IGSF8: variants seen among roughly 807,000 people sequenced by gnomAD.
IGSF8 encodes CD81 partner 3.
A neutral mutation model predicts 55.5 loss-of-function variants in IGSF8; 46 were observed. That is an observed-to-expected ratio of 0.83 (90% CI 0.65 to 1.06). IGSF8 has a LOEUF of 1.06. IGSF8 is among the 50% of genes least tolerant of loss of function. IGSF8 has a pLI of 0.00. For missense variants in IGSF8, 731 were observed against 832.3 expected, an observed-to-expected ratio of 0.88 and a Z score of 1.50; for synonymous variants, 314 against 356.1, an observed-to-expected ratio of 0.88 and a Z score of 1.33.
chr1:160,097,754 C>T, intron 1 of IGSF8: 1 of 985,466 alleles, frequency 1.0e-6, no homozygotes, highest in Non-Finnish European at 1.2e-6. Context: ...GATCAGTCTC[C>T]ATGGAACCTG....
chr1:160,096,793 A>G (rs181069586), intron 1 of IGSF8, among the ~76,000 whole-genome samples: 2 of 152,266 alleles, frequency 1.3e-5, no homozygotes, highest in African/African-American at 4.8e-5. Flanking sequence ...ACCATGTGTG[A>G]GTGCGTATGT....
intron 1 of IGSF8, among the ~76,000 whole-genome samples, chr1:160,096,512 C>T (rs1650446575): frequency 6.6e-6 from 1 of 152,148 alleles, no homozygotes; most frequent in South Asian, 2.1e-4. Context: ...GGAAAATGCC[C>T]AGGAGTCTGT....
chr1:160,092,890 C>G, intron 4 of IGSF8, 34 bp downstream of exon 4: 3 of 1,564,928 alleles, frequency 1.9e-6, no homozygotes, highest in South Asian at 2.4e-5. Flanking sequence ...GTTGACAATC[C>G]TCGAACCCCG....
At chr1:160,097,922 G>C (rs1397598198) in intron 1 of IGSF8, 1 of 985,360 alleles carries the variant, frequency 1.0e-6, no homozygotes, top group South Asian at 4.7e-5. Context: ...AGTTGATGAA[G>C]TGCGTGGAGC....
In IGSF8 at chr1:160,098,061, G is replaced by A. The variant is rs1650561188; in HGVS notation, c.64+348C>T. ...GGGCGGGCACCCAAGGCCAGGCCTG[G>A]AGCTGAGTGTGGGGCAGAAAGGAGT... On this transcript the variant is annotated intron_variant, in intron 1 of 6. Transcript: ENST00000314485. 6.1e-6 allele frequency: 5 copies of A among 824,332 alleles called. No individual in the cohort carries two copies. In the Admixed American group the frequency reaches 3.1e-4, roughly 51 times the overall value. 51.1% of individuals were successfully genotyped at this position (824,332 alleles called of 1,614,324 possible).
Position 160,093,816 on chromosome 1 carries a change from G to T in IGSF8, c.798C>A (p.Gly266=). The change falls in exon 3 of 7, where the codon GGC becomes GGA. Residue 266 remains glycine, a synonymous_variant. Transcript: ENST00000314485. ...ACTCAGCGGCAGTGCAGTGGTAGGT[G>T]CCTGCGTCCCCTGCCTGGGCACCCC... ...VVGGAQAGDA[G]TYHCTAAEWI... is the part of the protein sequence containing the mutation. 1 of 1,614,090 alleles carries T rather than the reference G, an allele frequency of 6.2e-7. No individual in the cohort carries two copies. The highest frequency in any genetic ancestry group is 1.1e-5 in the South Asian group (1 of 91,078).
At chr1:160,098,639 C>T, upstream of IGSF8, 2 of 557,584 alleles carry the variant, frequency 3.6e-6, no homozygotes, top group East Asian at 6.5e-5. Flanking sequence ...CCGCCCCTCC[C>T]GCTGCTTTCC....
chr1:160,098,763 C>T, upstream of IGSF8: 1 of 337,776 alleles, frequency 3.0e-6, no homozygotes. Flanking sequence ...GCCCTGCCTG[C>T]CCCACCCCCG....
Position 160,095,052 on chromosome 1 carries a change from A to T in IGSF8, c.259T>A (p.Ser87Thr). 6.2e-7 allele frequency: 1 copy of T among 1,614,154 alleles called. No individual in the cohort carries two copies. Among genetic ancestry groups the T allele is most frequent in the Non-Finnish European group, 8.5e-7 (1 of 1,180,022 alleles). The change falls in exon 2 of 7, where the codon TCC (serine) becomes ACC (threonine). Residue 87 changes from serine (S) to threonine (T), a missense_variant. Physicochemically the swap from Ser to Thr is moderately conservative, Grantham distance 58. Transcript: ENST00000314485. ...GIVSTKDTQF[S>T]YAVFKSRVVA... ...ACTCGGGACTTGAAGACAGCATAGG[A>T]GAACTGGGTATCCTTGGTACTGACA...
Position 160,092,357 on chromosome 1 carries a change from G to A in IGSF8, c.1651C>T (p.Gln551Ter). Reference protein sequence around the residue: ...VYHCAPSAWVQHADYSWYQAG... With the variant: ...VYHCAPSAWV ...TGGTACCAGCTGTAGTCGGCATGCTGCACCCAGGCGCTGGGGGCACAGTGG... is the reference window on the plus strand; with the variant it reads ...TGGTACCAGCTGTAGTCGGCATGCTACACCCAGGCGCTGGGGGCACAGTGG... Residue 551 changes from glutamine (Q) to a stop codon, truncating the protein, a stop_gained, in exon 5 of 7, where the codon CAG becomes TAG. Coordinates refer to ENST00000314485, the MANE Select transcript of IGSF8 (RefSeq NM_052868.6). LOFTEE classifies it high-confidence loss of function. The A allele has an allele frequency of 1.9e-6, 3 of 1,613,910 alleles. No individual in the cohort carries two copies. The highest frequency in any genetic ancestry group is 2.5e-6 in the Non-Finnish European group (3 of 1,179,814).
intron 1 of IGSF8, 44 bp from the exon 2 acceptor site, chr1:160,095,290 T>C: frequency 1.9e-6 from 3 of 1,549,522 alleles, no homozygotes; most frequent in Non-Finnish European, 2.6e-6. Context: ...TGGTTCCTCA[T>C]TCCATGCCCT....
At position 160,096,027 on chromosome 1, in the gene IGSF8, AT is replaced by A. The variant is rs1248067715; in HGVS notation, c.65-782del. Among the ~76,000 whole-genome samples, 3 of 152,312 alleles carry A rather than the reference AT, an allele frequency of 2.0e-5. 1 individual carries two copies. Among genetic ancestry groups the A allele is most frequent in the African/African-American group, 4.8e-5 (2 of 41,560 alleles). ...AAGCCTTCATTTGCACATGGTATGC[AT>A]TCATTTACATATATGGCTCTCTTTC... On this transcript the variant is annotated intron_variant, in intron 1 of 6. Transcript: ENST00000314485.
In IGSF8 at chr1:160,098,404, C is replaced by T; in HGVS notation, c.64+5G>A. 1 of 1,551,884 alleles carries T rather than the reference C, an allele frequency of 6.4e-7. No homozygotes were observed. Among genetic ancestry groups the T allele is most frequent in the Non-Finnish European group, 8.7e-7 (1 of 1,147,174 alleles). On this transcript the variant is annotated splice_donor_5th_base_variant and intron_variant, in intron 1 of 6. Transcript: ENST00000314485. ...GCCGGGAACCGGAACGGGGGCCTGG[C>T]TTACCTAGCATTAGCAGCAGCAGCA...
chr1:160,092,796 A>C, intron 4 of IGSF8, 101 bp from the exon 5 acceptor site: 1 of 1,506,498 alleles, frequency 6.6e-7, no homozygotes, highest in Non-Finnish European at 9.0e-7. Flanking sequence ...GTATTCCCAC[A>C]ATCTTGGTAG....
chr1:160,092,910 C>G lies in IGSF8; in HGVS notation c.1312+14G>C. 6.3e-7 allele frequency: 1 copy of G among 1,585,784 alleles called. No individual in the cohort carries two copies. The highest frequency in any genetic ancestry group is 8.6e-7 in the Non-Finnish European group (1 of 1,159,592). ...CAATCCTCGAACCCCGTCCAGGGCC[C>G]AGCCCCCTCTCACCTTCCTCCCGCA... On this transcript the variant is annotated intron_variant, in intron 4 of 6. Transcript: ENST00000314485.
chr1:160,095,404 G>T, intron 1 of IGSF8, 158 bp from the exon 2 acceptor site: 2 of 751,228 alleles, frequency 2.7e-6, no homozygotes, highest in Non-Finnish European at 2.1e-6. Flanking sequence ...GGAAAGGGAT[G>T]CTGTGATATA....
In IGSF8 at chr1:160,093,853, C is replaced by A. The variant is rs201207100; in HGVS notation, c.761G>T (p.Arg254Leu). The change falls in exon 3 of 7, where the codon CGC (arginine) becomes CTC (leucine). Residue 254 changes from arginine to leucine, a missense_variant. Physicochemically the swap from Arg to Leu is moderately radical, Grantham distance 102. Coordinates refer to ENST00000314485, the MANE Select transcript of IGSF8 (RefSeq NM_052868.6). Reference protein sequence around the residue: ...RLGKEGTDRYRMVVGGAQAGD... With the variant: ...RLGKEGTDRYLMVVGGAQAGD... ...TGCCTGGGCACCCCCTACTACCATG[C>A]GGTACCGATCGGTCCCTTCCTTGCC... 1.2e-6 allele frequency: 2 copies of A among 1,614,052 alleles called. No individual in the cohort carries two copies. Among genetic ancestry groups the A allele is most frequent in the Non-Finnish European group, 8.5e-7 (1 of 1,180,024 alleles).
chr1:160,093,381 G>C, intron 3 of IGSF8, 50 bp from the exon 4 acceptor site: 1 of 1,509,018 alleles, frequency 6.6e-7, no homozygotes, highest in Non-Finnish European at 8.9e-7. Flanking sequence ...AGGGGACACA[G>C]AGGCACCCGA....
intron 1 of IGSF8, chr1:160,097,808 C>T (rs1231005267): frequency 1.0e-6 from 1 of 985,348 alleles, no homozygotes; most frequent in Non-Finnish European, 1.2e-6. Context: ...GGTGTGAAAA[C>T]TGATGGGTGG....
Sources: allele counts gnomAD v4.1 joint callset (sites outside exome capture counted in the v4.1 genomes callset), GRCh38; gene constraint gnomAD v4.1.1; transcripts MANE v1.5; gene names NCBI Gene and HGNC (gene_info 2026-07-23, HGNC 2026-07-21).